Variants in MYO10 observed in about 807,000 individuals in gnomAD.
MYO10 encodes the protein unconventional myosin-X.
MYO10 carries 133 observed loss-of-function variants against 257.3 expected under a neutral mutation model. The observed-to-expected ratio is 0.52, with a 90% CI of 0.45 to 0.60. The LOEUF (loss-of-function observed/expected upper bound fraction) is 0.60, where lower values mean the gene tolerates loss of function less well. Among genes scored for constraint, MYO10 ranks in the 20% least tolerant of loss-of-function variants. The pLI is 0.00. For synonymous variants in MYO10, 1,104 were observed against 1,028.6 expected (o/e 1.07, Z -1.40); for missense variants, 2,399 against 2,635.7 (o/e 0.91, Z 1.97).
chr5:16,823,781 G>A (rs1266926561), intron 2 of MYO10, among the ~76,000 whole-genome samples: 2 of 149,960 alleles, frequency 1.3e-5, no homozygotes, highest in African/African-American at 4.9e-5. Flanking sequence ...TGGGGGCGGG[G>A]GGCGGGGGGC....
At chr5:16,935,653 G>T in intron 1 of MYO10, 135 bp downstream of exon 1, 1 of 976,120 alleles carries the variant, frequency 1.0e-6, no homozygotes, top group South Asian at 1.4e-5. Context: ...GGGGGGATGG[G>T]GGGTGATTTC....
chr5:16,738,334 G>T, intron 19 of MYO10: 1 of 985,466 alleles, frequency 1.0e-6, no homozygotes, highest in Non-Finnish European at 1.2e-6. Flanking sequence ...AAGAGGCAGG[G>T]CAGAGAGAAA....
intron 1 of MYO10, among the ~76,000 whole-genome samples, 190 bp from the exon 2 acceptor site, chr5:16,877,897 G>T (rs951499427): frequency 1.3e-5 from 2 of 152,176 alleles, no homozygotes; most frequent in Non-Finnish European, 2.9e-5. Context: ...AAGTGTGACT[G>T]AGAGTCCCAT....
At chr5:16,889,093 A>C (rs899588022) in intron 1 of MYO10, among the ~76,000 whole-genome samples, 1 of 151,924 alleles carries the variant, frequency 6.6e-6, no homozygotes, top group African/African-American at 2.4e-5. Context: ...GGATGGCTTA[A>C]GCCCAAGAGG....
chr5:16,684,241 T>A (rs561686420), intron 29 of MYO10, among the ~76,000 whole-genome samples: 4 of 152,274 alleles, frequency 2.6e-5, no homozygotes, highest in Admixed American at 2.6e-4. Flanking sequence ...GTACCTCTAT[T>A]TTAATTTAAT....
At chr5:16,676,961 C>T (rs576565419) in intron 33 of MYO10, among the ~76,000 whole-genome samples, 1 of 152,262 alleles carries the variant, frequency 6.6e-6, no homozygotes, top group South Asian at 2.1e-4. Flanking sequence ...TTTGCTAGTT[C>T]TTGAATTGCT....
chr5:16,917,028 CA>C (rs1745842297), intron 1 of MYO10, among the ~76,000 whole-genome samples: 1 of 152,094 alleles, frequency 6.6e-6, no homozygotes, highest in South Asian at 2.1e-4. Context: ...AGTGGAAACT[CA>C]AAGTTGAGAA....
chr5:16,926,804 C>T (rs759930342), intron 1 of MYO10, among the ~76,000 whole-genome samples: 4 of 151,664 alleles, frequency 2.6e-5, no homozygotes, highest in Admixed American at 6.6e-5. Flanking sequence ...TTGACTCTAA[C>T]CACATAACAA....
At chr5:16,902,598 C>A in intron 1 of MYO10, 1 of 1,568,280 alleles carries the variant, frequency 6.4e-7, no homozygotes, top group Non-Finnish European at 8.7e-7. Context: ...CACGTGGCCG[C>A]GGCCCTTTTT....
At chr5:16,739,128 G>C (rs953028622) in intron 19 of MYO10, among the ~76,000 whole-genome samples, 1 of 147,284 alleles carries the variant, frequency 6.8e-6, no homozygotes. Context: ...TGAGACTGTA[G>C]TGTGCTATGA....
At position 16,877,608 on chromosome 5, in the gene MYO10, C is replaced by T. The variant is rs974300694; in HGVS notation, c.120+1G>A. On this transcript the variant is annotated splice_donor_variant, in intron 2 of 40. Coordinates refer to ENST00000513610, the MANE Select transcript of MYO10 (RefSeq NM_012334.3). LOFTEE classifies it high-confidence loss of function. ...GGGAAGCTGCAGGGACTTGTTCTCA[C>T]CTGACCATAGTCTGTCCGGAAGACG... The T allele has an allele frequency of 3.7e-6, 6 of 1,610,950 alleles. No homozygotes were observed. Among genetic ancestry groups the T allele is most frequent in the Non-Finnish European group, 5.1e-6 (6 of 1,177,490 alleles).
At chr5:16,676,323 T>A (rs1461763082) in intron 33 of MYO10, among the ~76,000 whole-genome samples, 169 bp from the exon 34 acceptor site, 2 of 152,146 alleles carry the variant, frequency 1.3e-5, no homozygotes, top group African/African-American at 4.8e-5. Flanking sequence ...TGAAGACAAA[T>A]CACAAAAATA....
Position 16,701,372 on chromosome 5 carries a change from G to C in MYO10, c.3023C>G (p.Pro1008Arg), listed in dbSNP as rs754861034. ...EADDDAFKDSPNPSEHGHSDQ... is the reference protein window; with the variant it reads ...EADDDAFKDSRNPSEHGHSDQ... ...TGAGTGGCCGTGCTCGCTGGGGTTG[G>C]GGGAGTCCTTGAAGGCGTCGTCGTC... The change falls in exon 25 of 41, where the codon CCC (proline) becomes CGC (arginine). Residue 1008 changes from proline to arginine, a missense_variant. Pro to Arg is a moderately radical substitution (Grantham distance 103). Transcript: ENST00000513610. This position sits in a 1 kb window ranked among gnomAD's most constrained non-coding sequence, Gnocchi z 8.1. 6.8e-6 allele frequency: 11 copies of C among 1,613,874 alleles called. No individual in the cohort carries two copies. Among genetic ancestry groups the C allele is most frequent in the Non-Finnish European group, 9.3e-6 (11 of 1,179,904 alleles).
intron 1 of MYO10, among the ~76,000 whole-genome samples, chr5:16,908,371 T>C (rs1745570575): frequency 6.6e-6 from 1 of 151,616 alleles, no homozygotes; most frequent in Admixed American, 6.6e-5. Flanking sequence ...CTACTAAAAA[T>C]ACAAAAATTA....
intron 19 of MYO10, among the ~76,000 whole-genome samples, chr5:16,747,433 A>G (rs1470609220): frequency 1.3e-5 from 2 of 152,222 alleles, no homozygotes; most frequent in Non-Finnish European, 2.9e-5. Flanking sequence ...CATGATGAGT[A>G]ACTCAACGTT....
chr5:16,865,833 A>ATAATAATAATAATAATAG (rs1379447665), intron 2 of MYO10, among the ~76,000 whole-genome samples: 1 of 151,366 alleles, frequency 6.6e-6, no homozygotes, highest in African/African-American at 2.4e-5. Context: ...AATAATAATA[A>ATAATAATAATAATAATAG]TAGTAAAAAA....
intron 2 of MYO10, among the ~76,000 whole-genome samples, chr5:16,860,240 C>G (rs1445092998): frequency 6.6e-6 from 1 of 152,110 alleles, no homozygotes; most frequent in Non-Finnish European, 1.5e-5. Context: ...GAAAGGCCAG[C>G]CCCTCCTCCC....
Position 16,734,108 on chromosome 5 carries a change from CA to C in MYO10, c.1929+20719del, listed in dbSNP as rs111997085. ...CACAATGTTAAAAATAAAAGGGATG[CA>C]AAAAAAAAAAGAAAGAAAGAAAACA... On this transcript the variant is annotated intron_variant, in intron 19 of 40. Coordinates refer to ENST00000513610, the MANE Select transcript of MYO10 (RefSeq NM_012334.3). 6.7e-3 allele frequency among the ~76,000 whole-genome samples: 940 copies of C among 140,514 alleles called. 10 individuals are homozygous for C. The highest frequency in any genetic ancestry group is 0.021 in the African/African-American group (818 of 38,716). 92.2% of individuals were successfully genotyped at this position (140,514 alleles called of 152,430 possible). A position where few individuals can be genotyped will look rare whatever the true frequency, so the allele number is the denominator to read the frequency against.
At chr5:16,787,150 C>A (rs1370285446) in intron 4 of MYO10, among the ~76,000 whole-genome samples, 1 of 151,924 alleles carries the variant, frequency 6.6e-6, no homozygotes, top group Non-Finnish European at 1.5e-5. Context: ...GCCTGGGTGA[C>A]AGAGCGAGAC....
Sources: gnomAD v4.1 joint callset for allele counts (sites outside exome capture counted in the v4.1 genomes callset) on GRCh38, gnomAD v4.1.1 for gene constraint, Gnocchi (gnomAD v3.1) non-coding constraint, MANE v1.5 for transcripts, NCBI Gene and HGNC (gene_info 2026-07-23, HGNC 2026-07-21) for gene names.